The following TMTC1 variants were observed in gnomAD, a reference collection of about 807,000 sequenced individuals.
TMTC1 encodes the protein protein O-mannosyl-transferase TMTC1.
In TMTC1, 73 loss-of-function variants were observed where a neutral mutation model predicts 104.8. That is an observed-to-expected ratio of 0.70 (90% CI 0.58 to 0.85). TMTC1 has a LOEUF of 0.85. TMTC1 is among the 40% of genes least tolerant of loss of function. TMTC1 has a pLI of 0.00. For missense variants in TMTC1, 1,035 were observed against 1,096.1 expected (o/e 0.94, Z 0.79); for synonymous variants, 434 against 428.7 (o/e 1.01, Z -0.15).
At chr12:29,514,406 A>G (rs1943925152) in intron 16 of TMTC1, 76 bp downstream of exon 16, 2 of 1,469,960 alleles carry the variant, frequency 1.4e-6, no homozygotes, top group African/African-American at 1.4e-5. Context: ...CTTACTGTAC[A>G]TGTTTCCTTA....
At chr12:29,568,705 T>A (rs1945584995) in intron 9 of TMTC1, 1 of 247,358 alleles carries the variant, frequency 4.0e-6, no homozygotes, top group African/African-American at 2.2e-5. Flanking sequence ...TTTGACAAAG[T>A]ACACACATGG....
At chr12:29,615,479 A>T (rs1946952676) in intron 6 of TMTC1, among the ~76,000 whole-genome samples, 1 of 152,302 alleles carries the variant, frequency 6.6e-6, no homozygotes, top group African/African-American at 2.4e-5. Flanking sequence ...AGAAAAAAAT[A>T]CCTGTAGAGA....
chr12:29,683,313 C>T (rs1258706699), intron 5 of TMTC1, among the ~76,000 whole-genome samples: 1 of 152,054 alleles, frequency 6.6e-6, no homozygotes, highest in African/African-American at 2.4e-5. Context: ...TTTTAAAAAG[C>T]AAAGTCAAAT....
chr12:29,748,514 A>G, intron 5 of TMTC1, among the ~76,000 whole-genome samples: 1 of 152,230 alleles, frequency 6.6e-6, no homozygotes, highest in Non-Finnish European at 1.5e-5. Context: ...TAGGAGTCAA[A>G]CAGTCTGGGT....
intron 10 of TMTC1, among the ~76,000 whole-genome samples, chr12:29,550,001 T>A (rs1010444040): frequency 3.9e-5 from 6 of 152,062 alleles, no homozygotes; most frequent in Admixed American, 3.3e-4. Flanking sequence ...GTGGGGATGA[T>A]GGTGGTGAAA....
At chr12:29,550,366 T>C (rs1371704268) in intron 10 of TMTC1, among the ~76,000 whole-genome samples, 1 of 152,074 alleles carries the variant, frequency 6.6e-6, no homozygotes, top group Non-Finnish European at 1.5e-5. Context: ...GTTCTAACAG[T>C]GATCAAGTGC....
At chr12:29,716,626 C>T (rs1444623330) in intron 5 of TMTC1, among the ~76,000 whole-genome samples, 4 of 151,704 alleles carry the variant, frequency 2.6e-5, no homozygotes, top group Non-Finnish European at 4.4e-5. Context: ...AATACAGTGA[C>T]TAATGAAAAC....
intron 5 of TMTC1, among the ~76,000 whole-genome samples, chr12:29,721,868 T>C (rs1235763007): frequency 1.3e-5 from 2 of 151,976 alleles, no homozygotes; most frequent in East Asian, 1.9e-4. Context: ...TTTTAAATAA[T>C]GATAAGCTTA....
chr12:29,555,134 CTTT>C (rs77513599), intron 10 of TMTC1, among the ~76,000 whole-genome samples: 1 of 88,210 alleles, frequency 1.1e-5, no homozygotes, highest in African/African-American at 4.7e-5. Flanking sequence ...TTCCAACATC[CTTT>C]TTTTTTTTTT....
upstream of TMTC1, chr12:29,784,448 G>C (rs951083270): frequency 6.6e-6 from 1 of 152,176 alleles, no homozygotes; most frequent in Non-Finnish European, 1.5e-5. Flanking sequence ...TCTCCTGCCC[G>C]GGCTTTCTCT....
At chr12:29,600,913 A>G (rs554633413) in intron 7 of TMTC1, among the ~76,000 whole-genome samples, 1 of 152,240 alleles carries the variant, frequency 6.6e-6, no homozygotes, top group Non-Finnish European at 1.5e-5. Flanking sequence ...GCATAGATGC[A>G]GGAACTTGGA....
chr12:29,703,371 G>A (rs1170416349), intron 5 of TMTC1, among the ~76,000 whole-genome samples: 1 of 152,064 alleles, frequency 6.6e-6, no homozygotes, highest in East Asian at 1.9e-4. Flanking sequence ...AAAAGCTTGA[G>A]GTATATGTTA....
At chr12:29,702,692 T>A (rs116711463) in intron 5 of TMTC1, among the ~76,000 whole-genome samples, 1 of 152,150 alleles carries the variant, frequency 6.6e-6, no homozygotes, top group Non-Finnish European at 1.5e-5. Context: ...GCGCAGGCCA[T>A]TGGGAGGCAG....
At chr12:29,567,722 T>A (rs1450106753) in intron 9 of TMTC1, among the ~76,000 whole-genome samples, 1 of 152,186 alleles carries the variant, frequency 6.6e-6, no homozygotes, top group African/African-American at 2.4e-5. Flanking sequence ...TCACTTAAAA[T>A]AGGCTGTGTG....
intron 5 of TMTC1, among the ~76,000 whole-genome samples, chr12:29,687,351 A>G (rs1941126504): frequency 6.6e-6 from 1 of 152,162 alleles, no homozygotes; most frequent in African/African-American, 2.4e-5. Context: ...TACAATCATG[A>G]GTAAATAACC....
chr12:29,534,209 C>A (rs940513020), intron 11 of TMTC1: 1 of 152,228 alleles, frequency 6.6e-6, no homozygotes, highest in African/African-American at 2.4e-5. Context: ...GCTTGCACAT[C>A]TGATGCACTC....
intron 3 of TMTC1, among the ~76,000 whole-genome samples, chr12:29,756,364 G>C (rs1489169990): frequency 3.9e-5 from 6 of 152,130 alleles, no homozygotes; most frequent in Non-Finnish European, 5.9e-5. Flanking sequence ...CGAATGACTT[G>C]TCACACATCA....
At chr12:29,705,731 T>A (rs2136817314) in intron 5 of TMTC1, among the ~76,000 whole-genome samples, 1 of 152,152 alleles carries the variant, frequency 6.6e-6, no homozygotes, top group East Asian at 1.9e-4. Flanking sequence ...AAGCTTCTGT[T>A]TTTTCTCACT....
chr12:29,693,590 A>G (rs569973801), intron 5 of TMTC1, among the ~76,000 whole-genome samples: 42 of 152,114 alleles, frequency 2.8e-4, no homozygotes, highest in Non-Finnish European at 4.0e-4. Context: ...TGTGAGATCA[A>G]TTTTAGCTTC....
Sources: allele counts gnomAD v4.1 joint callset (sites outside exome capture counted in the v4.1 genomes callset), GRCh38; gene constraint gnomAD v4.1.1; transcripts MANE v1.5; gene names NCBI Gene and HGNC (gene_info 2026-07-23, HGNC 2026-07-21).